The following DEUP1 variants were observed in gnomAD, a reference collection of about 807,000 sequenced individuals.
The protein encoded by DEUP1 is deuterosome assembly protein 1, also known as coiled-coil domain containing 67.
A neutral mutation model predicts 87.4 loss-of-function variants in DEUP1; 82 were observed. The observed-to-expected ratio is 0.94, with a 90% CI of 0.78 to 1.13. The LOEUF (loss-of-function observed/expected upper bound fraction) is 1.13, where lower values mean the gene tolerates loss of function less well. DEUP1 is among the 50% of genes most tolerant of loss of function. The pLI is 0.00. For missense variants in DEUP1, 663 were observed against 681.5 expected (o/e 0.97, Z 0.30); for synonymous variants, 214 against 222.7 (o/e 0.96, Z 0.35).
chr11:93,386,766 A>G (rs1946580616), intron 8 of DEUP1, among the ~76,000 whole-genome samples: 1 of 152,224 alleles, frequency 6.6e-6, no homozygotes. Context: ...ATCACTGATT[A>G]CTAATCAATC....
At chr11:93,355,283 G>A (rs1944841996) in intron 2 of DEUP1, 88 bp from the exon 3 acceptor site, 6 of 1,115,200 alleles carry the variant, frequency 5.4e-6, no homozygotes, top group Admixed American at 2.3e-5. Context: ...AGGAAATAAT[G>A]TTCAAGCTAT....
intron 2 of DEUP1, among the ~76,000 whole-genome samples, chr11:93,354,569 T>G (rs1162839489): frequency 1.3e-5 from 2 of 152,192 alleles, no homozygotes; most frequent in South Asian, 2.1e-4. Context: ...AAAAACAGGT[T>G]TAATTGGACT....
chr11:93,394,603 A>G lies in DEUP1; in HGVS notation c.1186A>G (p.Lys396Glu). The change falls in exon 10 of 14, where the codon AAA (lysine) becomes GAA (glutamate). Residue 396 changes from lysine to glutamate, a missense_variant. By Grantham distance (56) the Lys-to-Glu change is moderately conservative. Coordinates refer to ENST00000298050, the MANE Select transcript of DEUP1 (RefSeq NM_181645.4). Reference protein sequence around the residue: ...TVTKKAALLEKQLKMELEIKE... With the variant: ...TVTKKAALLEEQLKMELEIKE... ...CACAAAGAAAGCTGCCCTTCTGGAA[A>G]AACAGTTAAAAATGGAATTAGAAAT... 1 of 1,612,186 alleles carries G rather than the reference A, an allele frequency of 6.2e-7. No individual in the cohort carries two copies. The highest frequency in any genetic ancestry group is 8.5e-7 in the Non-Finnish European group (1 of 1,179,464).
At chr11:93,350,849 G>A (rs941590347) in intron 2 of DEUP1, among the ~76,000 whole-genome samples, 7 of 151,728 alleles carry the variant, frequency 4.6e-5, no homozygotes, top group Non-Finnish European at 7.4e-5. Flanking sequence ...CCAGCTACTC[G>A]GGAGGCTGAG....
chr11:93,381,546 T>A (rs1403309080), intron 7 of DEUP1, among the ~76,000 whole-genome samples: 1 of 152,186 alleles, frequency 6.6e-6, no homozygotes, highest in Non-Finnish European at 1.5e-5. Context: ...GCTTATTAAT[T>A]TCATTGCATA....
intron 13 of DEUP1, among the ~76,000 whole-genome samples, chr11:93,416,892 T>C (rs1261311958): frequency 6.6e-6 from 1 of 152,168 alleles, no homozygotes; most frequent in Admixed American, 6.6e-5. Context: ...AATCAATAAA[T>C]GTAATCCAGC....
At chr11:93,387,469 C>T (rs939338893) in intron 8 of DEUP1, among the ~76,000 whole-genome samples, 2 of 151,840 alleles carry the variant, frequency 1.3e-5, no homozygotes, top group South Asian at 2.1e-4. Context: ...TGTAGAAGCA[C>T]CCTGGGTTGA....
chr11:93,372,163 C>T (rs920643352), intron 7 of DEUP1, among the ~76,000 whole-genome samples: 3 of 152,084 alleles, frequency 2.0e-5, no homozygotes, highest in South Asian at 4.1e-4. Context: ...CTCCTGACCT[C>T]GTGATCCGCC....
At chr11:93,331,323 G>A (rs61919162) in intron 1 of DEUP1, among the ~76,000 whole-genome samples, 19,612 of 150,788 alleles carry the variant, frequency 0.13, 1,704 homozygotes, top group South Asian at 0.27. Context: ...TCCAGTTATC[G>A]TCATAGATTA....
intron 4 of DEUP1, among the ~76,000 whole-genome samples, chr11:93,357,914 T>C (rs1944972747): frequency 6.6e-6 from 1 of 152,208 alleles, no homozygotes. Context: ...ATTTTGCCTA[T>C]AGTTCAAGTA....
intron 13 of DEUP1, among the ~76,000 whole-genome samples, chr11:93,432,619 G>A (rs1477075990): frequency 6.6e-6 from 1 of 152,126 alleles, no homozygotes; most frequent in Non-Finnish European, 1.5e-5. Context: ...CAGGTTATTA[G>A]GATAGAGACA....
intron 4 of DEUP1, 150 bp from the exon 5 acceptor site, chr11:93,364,009 GT>G: frequency 1.7e-6 from 1 of 599,428 alleles, no homozygotes; most frequent in East Asian, 2.9e-5. Context: ...TTAATAACTG[GT>G]TCTGTCTTCA....
chr11:93,370,140 T>G lies in DEUP1; in HGVS notation c.500T>G (p.Leu167Ter), dbSNP rs1233136279. The G allele has an allele frequency of 3.1e-6, 5 of 1,605,362 alleles. No individual in the cohort carries two copies. Among genetic ancestry groups the G allele is most frequent in the Non-Finnish European group, 4.3e-6 (5 of 1,173,994 alleles). ...EILYQTHLIS[L>*]DAQQKLLSEK... Reference sequence around the variant, plus strand: ...TTATATCAGACTCATCTGATTTCTTTAGATGCTCAACAAAAATTATTATCT... The same window carrying G: ...TTATATCAGACTCATCTGATTTCTTGAGATGCTCAACAAAAATTATTATCT... The change falls in exon 6 of 14, where the codon TTA (leucine) becomes TGA (stop). Residue 167 changes from leucine to a stop codon, truncating the protein, a stop_gained. Coordinates refer to ENST00000298050, the MANE Select transcript of DEUP1 (RefSeq NM_181645.4). LOFTEE classifies it high-confidence loss of function.
chr11:93,341,960 C>T (rs1004114966), intron 2 of DEUP1, among the ~76,000 whole-genome samples: 46 of 152,002 alleles, frequency 3.0e-4, no homozygotes, highest in Non-Finnish European at 2.6e-4. Context: ...TTGTGGACTC[C>T]AATCTTAAAG....
At chr11:93,414,178 A>G (rs900872809) in intron 12 of DEUP1, among the ~76,000 whole-genome samples, 4 of 152,200 alleles carry the variant, frequency 2.6e-5, no homozygotes, top group African/African-American at 9.6e-5. Flanking sequence ...AATTGAAAGC[A>G]TGTTTTAAAT....
intron 2 of DEUP1, among the ~76,000 whole-genome samples, chr11:93,336,303 G>A (rs2134147492): frequency 6.6e-6 from 1 of 152,168 alleles, no homozygotes; most frequent in South Asian, 2.1e-4. Flanking sequence ...AACAACAAGG[G>A]GGAAGTTCGC....
chr11:93,364,678 AG>A (rs1565309358), intron 5 of DEUP1, among the ~76,000 whole-genome samples: 1 of 152,064 alleles, frequency 6.6e-6, no homozygotes, highest in Non-Finnish European at 1.5e-5. Context: ...GCCTCATCAC[AG>A]TTTTTAAAAC....
intron 5 of DEUP1, among the ~76,000 whole-genome samples, chr11:93,366,999 A>G (rs1233384780): frequency 6.6e-6 from 1 of 152,130 alleles, no homozygotes; most frequent in Non-Finnish European, 1.5e-5. Context: ...ATTTGCCATT[A>G]TTGCTAAAGA....
intron 13 of DEUP1, among the ~76,000 whole-genome samples, chr11:93,432,016 G>A (rs1948121217): frequency 6.6e-6 from 1 of 152,142 alleles, no homozygotes; most frequent in African/African-American, 2.4e-5. Context: ...GATATTCGAG[G>A]GAGAGATCAA....
Sources: allele counts gnomAD v4.1 joint callset (sites outside exome capture counted in the v4.1 genomes callset), GRCh38; gene constraint gnomAD v4.1.1; transcripts MANE v1.5; gene names NCBI Gene and HGNC (gene_info 2026-07-23, HGNC 2026-07-21).